ENPP2: variants seen among roughly 807,000 people sequenced by gnomAD.
ENPP2 encodes autotaxin.
Under a neutral mutation model 120.2 loss-of-function variants are expected in ENPP2, and 51 were observed. The observed-to-expected ratio is 0.42, with a 90% CI of 0.34 to 0.54. ENPP2 has a LOEUF of 0.54. ENPP2 is among the 20% of genes least tolerant of loss of function. ENPP2 has a pLI of 0.04. For missense variants in ENPP2, 920 were observed against 1,066.5 expected (o/e 0.86, Z 1.91); for synonymous variants, 365 against 366.4 (o/e 1.00, Z 0.04).
intron 19 of ENPP2, among the ~76,000 whole-genome samples, chr8:119,573,936 T>C (rs1165599736): frequency 6.6e-6 from 1 of 152,118 alleles, no homozygotes; most frequent in Non-Finnish European, 1.5e-5. Flanking sequence ...CAATTATTAC[T>C]GAGCAAAAAT....
Position 119,586,171 on chromosome 8 carries a change from C to T in ENPP2, c.1367+15G>A, listed in dbSNP as rs748771773. ...TGTGGAAATGAGAAACAGAAATAGC[C>T]CATATACCAGTTACCTTGCAACATG... is the stretch of plus-strand genomic sequence containing the variant. On this transcript the variant is annotated intron_variant, in intron 15 of 24. Transcript: ENST00000075322. 2.5e-6 allele frequency: 4 copies of T among 1,612,862 alleles called. No individual in the cohort carries two copies. Among genetic ancestry groups the T allele is most frequent in the South Asian group, 2.2e-5 (2 of 90,904 alleles).
At chr8:119,599,840 C>T (rs913005616) in intron 11 of ENPP2, among the ~76,000 whole-genome samples, 1 of 152,110 alleles carries the variant, frequency 6.6e-6, no homozygotes, top group Non-Finnish European at 1.5e-5. Flanking sequence ...AAGCCTGTCC[C>T]TACTAAAAAT....
chr8:119,626,335 G>T (rs1211652851), intron 3 of ENPP2, among the ~76,000 whole-genome samples: 1 of 152,182 alleles, frequency 6.6e-6, no homozygotes, highest in African/African-American at 2.4e-5. Context: ...TGCAAAACCA[G>T]CACATCATGA....
At chr8:119,575,196 C>T (rs1812248539) in intron 19 of ENPP2, among the ~76,000 whole-genome samples, 1 of 152,102 alleles carries the variant, frequency 6.6e-6, no homozygotes, top group African/African-American at 2.4e-5. Flanking sequence ...GATGAAGGAA[C>T]TGGAGGTTTA....
At chr8:119,622,227 C>T (rs73329870) in intron 3 of ENPP2, among the ~76,000 whole-genome samples, 1 of 152,164 alleles carries the variant, frequency 6.6e-6, no homozygotes, top group African/African-American at 2.4e-5. Context: ...CAGCACCTAG[C>T]CTAAAGTAGC....
At chr8:119,654,507 T>C (rs538058427) in intron 1 of ENPP2, among the ~76,000 whole-genome samples, 1 of 147,246 alleles carries the variant, frequency 6.8e-6, no homozygotes, top group East Asian at 2.0e-4. Context: ...ATATTTAATA[T>C]ATATAATAAA....
intron 21 of ENPP2, 33 bp downstream of exon 21, chr8:119,569,202 T>A (rs780157275): frequency 4.4e-6 from 7 of 1,608,930 alleles, no homozygotes; most frequent in Non-Finnish European, 4.3e-6. Context: ...GACATCCCTC[T>A]GAAGGCATCA....
At chr8:119,576,723 C>T (rs1014239459) in intron 19 of ENPP2, among the ~76,000 whole-genome samples, 1 of 152,124 alleles carries the variant, frequency 6.6e-6, no homozygotes, top group African/African-American at 2.4e-5. Context: ...TTCATTAATT[C>T]ATCCATCAAT....
Position 119,619,318 on chromosome 8 carries a change from T to C in ENPP2, c.419-14A>G, listed in dbSNP as rs1815712118. ...AATGCGACTCTCCTATAAGGAAAAA[T>C]GGGTAAATGTATTGTTGAATCTAAT... On this transcript the variant is annotated splice_polypyrimidine_tract_variant and intron_variant, in intron 4 of 24. Transcript: ENST00000075322. 6.3e-7 allele frequency: 1 copy of C among 1,582,870 alleles called. No individual in the cohort carries two copies. Among genetic ancestry groups the C allele is most frequent in the Non-Finnish European group, 8.7e-7 (1 of 1,152,454 alleles).
At chr8:119,640,778 C>G (rs559335202), upstream of ENPP2, among the ~76,000 whole-genome samples, 1 of 152,148 alleles carries the variant, frequency 6.6e-6, no homozygotes, top group Admixed American at 6.5e-5. Context: ...GATGGAGTTT[C>G]ACTCTTGTTG....
At chr8:119,673,228 G>T in intron 1 of ENPP2, 1 of 1,528,674 alleles carries the variant, frequency 6.5e-7, no homozygotes, top group Non-Finnish European at 8.8e-7. Context: ...ATGGAGGACG[G>T]GTAGAGAGAG....
At chr8:119,596,051 T>C (rs1224272098) in intron 11 of ENPP2, 5 of 1,566,122 alleles carry the variant, frequency 3.2e-6, no homozygotes, top group Admixed American at 1.7e-5. Flanking sequence ...TCTGTCCCTC[T>C]GAGTCAGATA....
chr8:119,577,726 A>G (rs564936237), intron 19 of ENPP2, among the ~76,000 whole-genome samples: 1 of 152,316 alleles, frequency 6.6e-6, no homozygotes, highest in East Asian at 1.9e-4. Flanking sequence ...CACCACTTTG[A>G]AGCCATGAAT....
chr8:119,580,981 A>G (rs190629165), intron 18 of ENPP2: 5 of 152,268 alleles, frequency 3.3e-5, no homozygotes, highest in African/African-American at 9.6e-5. Flanking sequence ...TAATAAATAT[A>G]TAAGGCCAGG....
chr8:119,641,415 T>A (rs1817284197), upstream of ENPP2, among the ~76,000 whole-genome samples: 1 of 152,120 alleles, frequency 6.6e-6, no homozygotes, highest in South Asian at 2.1e-4. Context: ...GTAAGAAAAC[T>A]AAATTATGAG....
chr8:119,617,409 G>A (rs939422429), intron 6 of ENPP2, 57 bp downstream of exon 6: 4 of 1,276,018 alleles, frequency 3.1e-6, no homozygotes, highest in Non-Finnish European at 3.4e-6. Context: ...ACAGCCCACT[G>A]GTTAGTGTGG....
intron 1 of ENPP2, among the ~76,000 whole-genome samples, chr8:119,663,073 C>T (rs372305291): frequency 2.6e-4 from 38 of 148,948 alleles, no homozygotes; most frequent in African/African-American, 5.2e-4. Context: ...GCCAAAATCA[C>T]GCCGCTGCAC....
intron 8 of ENPP2, among the ~76,000 whole-genome samples, chr8:119,615,622 T>G (rs1815404609): frequency 6.6e-6 from 1 of 152,214 alleles, no homozygotes; most frequent in African/African-American, 2.4e-5. Flanking sequence ...CTGCTTTTTG[T>G]ATTTAACTTC....
chr8:119,569,196 T>A (rs750323244), intron 21 of ENPP2, 39 bp downstream of exon 21: 3 of 1,594,544 alleles, frequency 1.9e-6, no homozygotes, highest in Non-Finnish European at 1.7e-6. Context: ...CAATGTGACA[T>A]CCCTCTGAAG....
Sources: allele counts gnomAD v4.1 joint callset (sites outside exome capture counted in the v4.1 genomes callset), GRCh38; gene constraint gnomAD v4.1.1; transcripts MANE v1.5; gene names NCBI Gene and HGNC (gene_info 2026-07-23, HGNC 2026-07-21).